SLC17A1: variants seen among roughly 807,000 people sequenced by gnomAD.
SLC17A1 encodes the protein solute carrier family 17 member 1.
SLC17A1 carries 51 observed loss-of-function variants against 53.5 expected under a neutral mutation model. The observed-to-expected ratio is 0.95, with a 90% CI of 0.76 to 1.20. The LOEUF (loss-of-function observed/expected upper bound fraction) is 1.20, where lower values mean the gene tolerates loss of function less well. Ranked by LOEUF, SLC17A1 falls within the 50% of genes most tolerant of loss-of-function variation. The probability of loss-of-function intolerance (pLI) is 0.00; values close to 1 mark genes in which losing one functional copy is unlikely to be tolerated. For synonymous variants in SLC17A1, 179 were observed against 198.8 expected (o/e 0.90, Z 0.84); for missense variants, 538 against 568.2 (o/e 0.95, Z 0.54).
At chr6:25,770,349 C>G in the SLC17A1 span, 1 of 1,613,678 alleles carries the variant, frequency 6.2e-7, no homozygotes, top group Non-Finnish European at 8.5e-7. Context: ...TCCAGAATGA[C>G]CTCAGATCTC....
chr6:25,726,565 T>C, the SLC17A1 span: 42 of 1,577,454 alleles, frequency 2.7e-5, no homozygotes, highest in Non-Finnish European at 3.1e-5. Flanking sequence ...AGAACCACAT[T>C]TCTAGGGCTG....
At chr6:25,787,422 C>T (rs56932539) in intron 12 of SLC17A1, among the ~76,000 whole-genome samples, 9,908 of 152,106 alleles carry the variant, frequency 0.065, 706 homozygotes, top group African/African-American at 0.17. Flanking sequence ...ATGCCCTAAA[C>T]GCAGACCAAC....
At chr6:25,811,922 C>T in intron 8 of SLC17A1, 152 bp from the exon 9 acceptor site, 4 of 797,088 alleles carry the variant, frequency 5.0e-6, no homozygotes, top group Non-Finnish European at 7.8e-6. Context: ...GCTGGGACCA[C>T]ATTACCCAAA....
At chr6:25,818,976 C>T (rs1764452185) in intron 6 of SLC17A1, 92 bp downstream of exon 6, 2 of 794,586 alleles carry the variant, frequency 2.5e-6, no homozygotes, top group Admixed American at 3.3e-5. Context: ...TTAATATTAA[C>T]TTTATATGAA....
At chr6:25,731,840 G>A in the SLC17A1 span, 5 of 1,602,794 alleles carry the variant, frequency 3.1e-6, no homozygotes, top group Non-Finnish European at 4.3e-6. Context: ...CAACGTGCTT[G>A]GCTAGTTCCC....
intron 2 of SLC17A1, 79 bp from the exon 3 acceptor site, chr6:25,826,712 G>A: frequency 1.0e-6 from 1 of 980,396 alleles, no homozygotes; most frequent in East Asian, 3.0e-5. Context: ...GGGACATTCA[G>A]AAATTTGGAG....
chr6:25,820,268 C>T (rs900439321), intron 3 of SLC17A1, among the ~76,000 whole-genome samples: 4 of 152,178 alleles, frequency 2.6e-5, no homozygotes, highest in Non-Finnish European at 5.9e-5. Flanking sequence ...TCCTGTACTT[C>T]ATAGTACTAC....
intron 5 of SLC17A1, 122 bp from the exon 6 acceptor site, chr6:25,819,276 C>A: frequency 1.4e-6 from 1 of 709,072 alleles, no homozygotes; most frequent in Admixed American, 3.2e-5. Context: ...ATAACACAAA[C>A]ATCAGAAGAA....
At chr6:25,826,038 T>C (rs75070517) in intron 3 of SLC17A1, among the ~76,000 whole-genome samples, 4,424 of 152,238 alleles carry the variant, frequency 0.029, 76 homozygotes, top group Middle Eastern at 0.078. Flanking sequence ...TTTTTATTTT[T>C]TGCTGCATCT....
At chr6:25,773,516 T>G in the SLC17A1 span, 2,368 of 1,613,858 alleles carry the variant, frequency 1.5e-3, 41 homozygotes, top group East Asian at 0.023. Flanking sequence ...CTTCCAGGAC[T>G]GTTCACCAGG....
chr6:25,794,898 C>A (rs1005250539), intron 12 of SLC17A1, among the ~76,000 whole-genome samples: 1 of 152,202 alleles, frequency 6.6e-6, no homozygotes, highest in African/African-American at 2.4e-5. Flanking sequence ...TTTCTTCTAA[C>A]TTCTAAAATT....
chr6:25,782,434 T>C (rs1344420558), downstream of SLC17A1, among the ~76,000 whole-genome samples: 3 of 152,132 alleles, frequency 2.0e-5, no homozygotes, highest in Admixed American at 2.0e-4. Context: ...TCATATACAG[T>C]AAGTGCCAGT....
downstream of SLC17A1, chr6:25,780,056 A>C (rs1763223726): frequency 6.6e-6 from 1 of 152,148 alleles, no homozygotes; most frequent in South Asian, 2.1e-4. Context: ...ATTAACCTAA[A>C]ATGTCTCCCA....
Position 25,798,789 on chromosome 6 carries a change from A to G in SLC17A1, c.1400T>C (p.Leu467Pro), listed in dbSNP as rs1489280113. 6.2e-7 allele frequency: 1 copy of G among 1,606,766 alleles called. No homozygotes were observed. The highest frequency in any genetic ancestry group is 8.5e-7 in the Non-Finnish European group (1 of 1,175,270). The change falls in exon 12 of 13, where the codon CTC becomes CCC. Residue 467 changes from leucine to proline, a missense_variant. Leu to Pro is a moderately conservative substitution (Grantham distance 98). Coordinates refer to ENST00000244527, the MANE Select transcript of SLC17A1 (RefSeq NM_005074.5). Reference protein sequence around the residue: ...DWAKEKQHTRL With the variant: ...DWAKEKQHTRP ...TAATCTGATCACTTCTCACCTTCAG[A>G]GACGTGTGTGTTGTTTTTCTTTAGC...
At chr6:25,723,782 G>A in the SLC17A1 span, among the ~76,000 whole-genome samples, 2 of 152,308 alleles carry the variant, frequency 1.3e-5, no homozygotes, top group East Asian at 3.9e-4. Flanking sequence ...TCGTCTGTGC[G>A]ACAGAGGAAG....
At chr6:25,798,681 A>G in intron 12 of SLC17A1, 102 bp downstream of exon 12, 3 of 1,116,030 alleles carry the variant, frequency 2.7e-6, no homozygotes, top group Non-Finnish European at 1.2e-6. Context: ...TCTTCTCCAA[A>G]CCTGCACCCG....
intron 3 of SLC17A1, among the ~76,000 whole-genome samples, 167 bp from the exon 4 acceptor site, chr6:25,820,082 T>G (rs982016867): frequency 1.2e-4 from 18 of 152,210 alleles, no homozygotes; most frequent in Non-Finnish European, 2.6e-4. Flanking sequence ...CACCATTTTC[T>G]GTACATATTT....
downstream of SLC17A1, chr6:25,778,101 G>T (rs942586712): frequency 7.5e-5 from 73 of 968,500 alleles, no homozygotes; most frequent in South Asian, 3.2e-4. Context: ...TTGTATCCTA[G>T]AAGATGCTTT....
the SLC17A1 span, among the ~76,000 whole-genome samples, chr6:25,763,975 G>T: frequency 6.6e-6 from 1 of 152,202 alleles, no homozygotes; most frequent in South Asian, 2.1e-4. Context: ...ACGTTGGAAG[G>T]CTAGGGAAGC....
Sources: allele counts gnomAD v4.1 joint callset (sites outside exome capture counted in the v4.1 genomes callset), GRCh38; gene constraint gnomAD v4.1.1; transcripts MANE v1.5; gene names NCBI Gene and HGNC (gene_info 2026-07-23, HGNC 2026-07-21).